The following TOP6BL variants were observed in gnomAD, a reference collection of about 807,000 sequenced individuals.
TOP6BL encodes type 2 DNA topoisomerase 6 subunit B-like.
chr11:66,771,564 T>C, the TOP6BL span: 3 of 153,094 alleles, frequency 2.0e-5, no homozygotes, highest in South Asian at 2.1e-4. Flanking sequence ...TGCCACATCA[T>C]TGTGGTCAAA....
the TOP6BL span, chr11:66,800,761 G>T: frequency 7.3e-7 from 1 of 1,368,624 alleles, no homozygotes; most frequent in Non-Finnish European, 1.0e-6. Context: ...AGCTATTATT[G>T]TCCTATTTCC....
the TOP6BL span, among the ~76,000 whole-genome samples, chr11:66,784,140 C>T: frequency 6.6e-6 from 1 of 152,128 alleles, no homozygotes; most frequent in Admixed American, 6.6e-5. Context: ...ATGCCATTCT[C>T]CTGCCTCAGC....
chr11:66,822,525 G>T, the TOP6BL span: 2 of 1,324,444 alleles, frequency 1.5e-6, no homozygotes, highest in Non-Finnish European at 2.1e-6. Context: ...CACATCTTGG[G>T]ATTCATGCAG....
chr11:66,785,708 A>G, the TOP6BL span, among the ~76,000 whole-genome samples: 3 of 152,164 alleles, frequency 2.0e-5, no homozygotes, highest in African/African-American at 7.2e-5. Flanking sequence ...ATCTCATATC[A>G]GTGAGGCTGC....
chr11:66,822,782 T>C, the TOP6BL span: 6 of 716,634 alleles, frequency 8.4e-6, no homozygotes, highest in Non-Finnish European at 1.4e-5. Context: ...GGTAGGAGGA[T>C]TGCTTGAGCC....
chr11:66,759,108 C>T, the TOP6BL span: 13,080 of 1,504,616 alleles, frequency 8.7e-3, 83 homozygotes, highest in Non-Finnish European at 9.8e-3. Context: ...TAAAGAATTA[C>T]CTAACTTCCA....
At chr11:66,788,069 T>C in the TOP6BL span, 25 of 863,310 alleles carry the variant, frequency 2.9e-5, no homozygotes, top group Non-Finnish European at 4.5e-5. Flanking sequence ...GGAAAAGCCT[T>C]CTTGGCTCAC....
chr11:66,796,259 T>A, the TOP6BL span: 1 of 1,529,950 alleles, frequency 6.5e-7, no homozygotes, highest in Non-Finnish European at 9.0e-7. Context: ...GTGTGGTAGG[T>A]GTTTTTGTTG....
chr11:66,808,429 G>A, the TOP6BL span, among the ~76,000 whole-genome samples: 11 of 152,196 alleles, frequency 7.2e-5, no homozygotes, highest in African/African-American at 2.6e-4. Flanking sequence ...TCAGGAGGCT[G>A]AAGTGGGAAG....
At chr11:66,827,351 A>G in the TOP6BL span, among the ~76,000 whole-genome samples, 1 of 152,124 alleles carries the variant, frequency 6.6e-6, no homozygotes, top group Non-Finnish European at 1.5e-5. Flanking sequence ...CGCCCAGCCC[A>G]CTTCTCCTTT....
the TOP6BL span, among the ~76,000 whole-genome samples, chr11:66,838,133 G>C: frequency 3.9e-5 from 6 of 152,208 alleles, no homozygotes; most frequent in African/African-American, 1.2e-4. Flanking sequence ...CAAGAGACTG[G>C]AGCTCAGAGA....
At chr11:66,843,285 G>T in the TOP6BL span, 2 of 1,591,644 alleles carry the variant, frequency 1.3e-6, no homozygotes, top group Middle Eastern at 2.2e-4. Flanking sequence ...GCGGGCAGCC[G>T]TTATCCCGTG....
chr11:66,785,501 A>G, the TOP6BL span, among the ~76,000 whole-genome samples: 1 of 152,086 alleles, frequency 6.6e-6, no homozygotes, highest in Non-Finnish European at 1.5e-5. Flanking sequence ...ATTGTTCATG[A>G]TATGTTTAAT....
chr11:66,818,329 A>G, the TOP6BL span, among the ~76,000 whole-genome samples: 1 of 152,154 alleles, frequency 6.6e-6, no homozygotes, highest in African/African-American at 2.4e-5. Flanking sequence ...TGCTGTACAC[A>G]CTAGGAGAGA....
the TOP6BL span, chr11:66,761,860 A>G: frequency 2.1e-6 from 2 of 931,424 alleles, no homozygotes; most frequent in Non-Finnish European, 1.8e-6. Flanking sequence ...TCCTCTGGAT[A>G]ATGACAGTCC....
chr11:66,786,108 G>A, the TOP6BL span, among the ~76,000 whole-genome samples: 2 of 152,076 alleles, frequency 1.3e-5, no homozygotes, highest in Non-Finnish European at 2.9e-5. Flanking sequence ...AGACCAGCCT[G>A]GCCAACATGG....
chr11:66,759,583 A>G, the TOP6BL span, among the ~76,000 whole-genome samples: 7 of 152,094 alleles, frequency 4.6e-5, no homozygotes, highest in East Asian at 1.4e-3. Context: ...AGTTTTAAGA[A>G]TTTATTTATT....
the TOP6BL span, among the ~76,000 whole-genome samples, chr11:66,784,091 C>T: frequency 6.6e-5 from 10 of 151,968 alleles, no homozygotes; most frequent in African/African-American, 1.5e-4. Flanking sequence ...AGTGTAGTGG[C>T]GCGATCTCGG....
the TOP6BL span, among the ~76,000 whole-genome samples, chr11:66,784,111 A>G: frequency 6.6e-6 from 1 of 151,916 alleles, no homozygotes. Context: ...GCTCACTGCA[A>G]GCTCCACCTC....
Sources: allele counts gnomAD v4.1 joint callset (sites outside exome capture counted in the v4.1 genomes callset), GRCh38; gene constraint gnomAD v4.1.1; transcripts MANE v1.5; gene names NCBI Gene and HGNC (gene_info 2026-07-23, HGNC 2026-07-21).